Variants in SLC26A7 observed in about 807,000 individuals in gnomAD.
SLC26A7 encodes solute carrier family 26 member 7, also known as anion exchange transporter.
A neutral mutation model predicts 82.5 loss-of-function variants in SLC26A7; 59 were observed. That is an observed-to-expected ratio of 0.72 (90% confidence interval 0.58 to 0.89). The LOEUF is 0.89. Ranked by LOEUF, SLC26A7 falls within the 40% of genes least tolerant of loss-of-function variation. SLC26A7 has a pLI of 0.00. For synonymous variants in SLC26A7, 271 were observed against 274.3 expected (o/e 0.99, Z 0.12); for missense variants, 820 against 793.0 (o/e 1.03, Z -0.41).
intron 11 of SLC26A7, among the ~76,000 whole-genome samples, chr8:91,362,133 A>T (rs1196883490): frequency 7.0e-6 from 1 of 143,232 alleles, no homozygotes; most frequent in Non-Finnish European, 1.6e-5. Flanking sequence ...GTCTGGAAAT[A>T]AAAGAAGAAA....
At chr8:91,295,152 T>C (rs1163323446) in intron 3 of SLC26A7, among the ~76,000 whole-genome samples, 1 of 152,208 alleles carries the variant, frequency 6.6e-6, no homozygotes, top group Non-Finnish European at 1.5e-5. Flanking sequence ...ATAAGACCAT[T>C]TATATCCAGT....
At chr8:91,259,419 A>G (rs1810899523) in intron 2 of SLC26A7, among the ~76,000 whole-genome samples, 1 of 152,084 alleles carries the variant, frequency 6.6e-6, no homozygotes, top group African/African-American at 2.4e-5. Context: ...ATGACTGGCC[A>G]AGGTCATCAA....
upstream of SLC26A7, among the ~76,000 whole-genome samples, chr8:91,248,470 G>A (rs1052960821): frequency 6.6e-6 from 1 of 151,974 alleles, no homozygotes. Context: ...TATATACATG[G>A]TATTCTTTTC....
intron 5 of SLC26A7, among the ~76,000 whole-genome samples, chr8:91,330,969 G>A (rs1361723108): frequency 6.6e-6 from 1 of 152,046 alleles, no homozygotes; most frequent in African/African-American, 2.4e-5. Context: ...TCAAGGTGAT[G>A]GCAGTTTTGG....
intron 18 of SLC26A7, 176 bp downstream of exon 18, chr8:91,394,215 T>A (rs773257461): frequency 3.7e-6 from 6 of 1,607,756 alleles, no homozygotes; most frequent in Non-Finnish European, 5.1e-6. Flanking sequence ...ATTCTTTTTT[T>A]AGGCCAGTTA....
chr8:91,220,267 G>T (rs942669751), intron 2 of SLC26A7, among the ~76,000 whole-genome samples: 7 of 152,242 alleles, frequency 4.6e-5, no homozygotes, highest in Non-Finnish European at 8.8e-5. Flanking sequence ...CGTTACAGGG[G>T]TAAAGTATGT....
intron 15 of SLC26A7, among the ~76,000 whole-genome samples, chr8:91,388,178 T>G (rs1231847083): frequency 6.6e-6 from 1 of 152,228 alleles, no homozygotes; most frequent in Non-Finnish European, 1.5e-5. Flanking sequence ...TTGCCCAGAC[T>G]GGAGTGCAGT....
chr8:91,300,978 C>T (rs368784778), intron 4 of SLC26A7, among the ~76,000 whole-genome samples: 1 of 152,138 alleles, frequency 6.6e-6, no homozygotes, highest in African/African-American at 2.4e-5. Flanking sequence ...TTGCTGAAGC[C>T]TCTTCAGCAT....
At chr8:91,215,268 A>G (rs1379302231) in intron 1 of SLC26A7, among the ~76,000 whole-genome samples, 1 of 152,204 alleles carries the variant, frequency 6.6e-6, no homozygotes, top group Non-Finnish European at 1.5e-5. Context: ...CTGAGAAAAC[A>G]GGAAACCATC....
intron 7 of SLC26A7, among the ~76,000 whole-genome samples, chr8:91,339,164 G>A (rs1813328614): frequency 6.6e-6 from 1 of 151,916 alleles, no homozygotes; most frequent in South Asian, 2.1e-4. Context: ...TAGTAATTAG[G>A]TTCACTCAGT....
At chr8:91,308,515 A>T in intron 4 of SLC26A7, among the ~76,000 whole-genome samples, 1 of 152,128 alleles carries the variant, frequency 6.6e-6, no homozygotes, top group Non-Finnish European at 1.5e-5. Context: ...TAACTTGATC[A>T]CCTGGCTGAG....
intron 7 of SLC26A7, 50 bp from the exon 8 acceptor site, chr8:91,340,354 C>G: frequency 6.3e-7 from 1 of 1,589,168 alleles, no homozygotes; most frequent in Non-Finnish European, 8.6e-7. Context: ...CAAGTTGTTA[C>G]AGAAATTACA....
chr8:91,354,381 C>T (rs1380202662), intron 11 of SLC26A7, among the ~76,000 whole-genome samples: 1 of 151,914 alleles, frequency 6.6e-6, no homozygotes, highest in Non-Finnish European at 1.5e-5. Flanking sequence ...ACATGTCTGT[C>T]TCTGAAAAAA....
intron 2 of SLC26A7, among the ~76,000 whole-genome samples, chr8:91,239,414 A>G (rs1444523192): frequency 2.9e-5 from 3 of 104,648 alleles, no homozygotes; most frequent in African/African-American, 9.6e-5. Flanking sequence ...ATATATATGT[A>G]TATGTATATA....
chr8:91,245,121 A>G (rs1053467487), upstream of SLC26A7, among the ~76,000 whole-genome samples: 12 of 152,320 alleles, frequency 7.9e-5, no homozygotes, highest in Admixed American at 2.0e-4. Flanking sequence ...TTTTTTAAAT[A>G]AACAGCACCA....
chr8:91,323,312 T>C (rs1320572632), intron 5 of SLC26A7, among the ~76,000 whole-genome samples: 1 of 152,202 alleles, frequency 6.6e-6, no homozygotes, highest in Non-Finnish European at 1.5e-5. Flanking sequence ...ATGAAACAAC[T>C]ATATGTAAAT....
chr8:91,336,242 A>T (rs929862589), intron 6 of SLC26A7, among the ~76,000 whole-genome samples: 1 of 152,106 alleles, frequency 6.6e-6, no homozygotes, highest in African/African-American at 2.4e-5. Flanking sequence ...AAGAAGCCAG[A>T]TTAGAACCCT....
At chr8:91,296,003 C>G (rs999762014) in intron 4 of SLC26A7, among the ~76,000 whole-genome samples, 1 of 152,170 alleles carries the variant, frequency 6.6e-6, no homozygotes, top group African/African-American at 2.4e-5. Flanking sequence ...ATGAGGCAAT[C>G]CCTGTGTCCA....
intron 1 of SLC26A7, among the ~76,000 whole-genome samples, chr8:91,210,548 CACACACACACACAG>C (rs1809891375): frequency 8.7e-6 from 1 of 114,856 alleles, no homozygotes; most frequent in African/African-American, 3.3e-5. Context: ...TAAACACAGA[CACACACACACACAG>C]ACACACACAC....
Sources: allele counts gnomAD v4.1 joint callset (sites outside exome capture counted in the v4.1 genomes callset), GRCh38; gene constraint gnomAD v4.1.1; transcripts MANE v1.5; gene names NCBI Gene and HGNC (gene_info 2026-07-23, HGNC 2026-07-21).